Variants in CTSB observed in about 807,000 individuals in gnomAD.
CTSB encodes cathepsin B.
A neutral mutation model predicts 44.3 loss-of-function variants in CTSB; 57 were observed. That is an observed-to-expected ratio of 1.29 (90% CI 1.04 to 1.60). The LOEUF (loss-of-function observed/expected upper bound fraction) is 1.60, where lower values mean the gene tolerates loss of function less well. CTSB is among the 40% of genes most tolerant of loss of function. The probability of loss-of-function intolerance (pLI) is 0.00; values close to 1 mark genes in which losing one functional copy is unlikely to be tolerated. For missense variants in CTSB, 768 were observed against 443.0 expected (o/e 1.73, Z -6.59); for synonymous variants, 320 against 168.0 (o/e 1.91, Z -7.00).
chr8:11,859,704 G>C (rs529269216), intron 1 of CTSB, among the ~76,000 whole-genome samples: 1 of 140,502 alleles, frequency 7.1e-6, no homozygotes, highest in East Asian at 2.3e-4. Context: ...GGAAGCGGAG[G>C]TTGCAGTAAG....
intron 7 of CTSB, among the ~76,000 whole-genome samples, 155 bp from the exon 8 acceptor site, chr8:11,847,323 A>C (rs1230068558): frequency 6.6e-6 from 1 of 152,150 alleles, no homozygotes; most frequent in Non-Finnish European, 1.5e-5. Context: ...GGCTCCCCTG[A>C]AGAACTAAGG....
At chr8:11,863,751 G>C (rs778155269) in intron 1 of CTSB, among the ~76,000 whole-genome samples, 1 of 152,146 alleles carries the variant, frequency 6.6e-6, no homozygotes. Flanking sequence ...AAACCCATCA[G>C]ATTGGCAAAA....
At chr8:11,861,100 G>A (rs1018336585) in intron 1 of CTSB, among the ~76,000 whole-genome samples, 1 of 152,120 alleles carries the variant, frequency 6.6e-6, no homozygotes, top group Non-Finnish European at 1.5e-5. Flanking sequence ...GTAGATTCTT[G>A]GCTTATGATT....
chr8:11,845,087 T>A lies in CTSB; in HGVS notation c.*38A>T, dbSNP rs762140858. The A allele has an allele frequency of 7.4e-7, 1 of 1,359,922 alleles. No individual in the cohort carries two copies. Among genetic ancestry groups the A allele is most frequent in the Non-Finnish European group, 1.1e-6 (1 of 949,142 alleles). 84.2% of individuals were successfully genotyped at this position (1,359,922 alleles called of 1,614,324 possible). Reference sequence around the variant, plus strand: ...AGAATAAAATGCATTTCTACCCCGATCTCGCCCCCAGGACTGGCACGACAG... The same window carrying A: ...AGAATAAAATGCATTTCTACCCCGAACTCGCCCCCAGGACTGGCACGACAG... On this transcript the variant is annotated 3_prime_UTR_variant, in exon 10 of 10. Coordinates refer to ENST00000353047, the MANE Select transcript of CTSB (RefSeq NM_001908.5).
At position 11,852,085 on chromosome 8, in the gene CTSB, A is replaced by G. The variant is rs747256840; in HGVS notation, c.212+525T>C. ...GAGACACCTTGGAGAAGCACAATAG[A>G]AAACACTGGGGGTGGCTCATGCCGG... is the stretch of plus-strand genomic sequence containing the variant. On this transcript the variant is annotated intron_variant, in intron 3 of 9. Transcript: ENST00000353047. Among the ~76,000 whole-genome samples, 15 of 152,192 alleles carry G rather than the reference A, an allele frequency of 9.9e-5. No homozygotes were observed. In the South Asian group the frequency reaches 1.9e-3, roughly 19 times the overall value.
Position 11,847,995 on chromosome 8 carries a change from C to T in CTSB, c.532+72G>A, listed in dbSNP as rs571854383. The T allele has an allele frequency of 7.4e-5, 104 of 1,414,464 alleles. No homozygotes were observed. In the African/African-American group the frequency reaches 1.1e-3, roughly 15 times the overall value. The allele number at this position is 1,414,464 out of a possible 1,614,324, so 87.6% of individuals were successfully genotyped here. A position where few individuals can be genotyped will look rare whatever the true frequency, so the allele number is the denominator to read the frequency against. On this transcript the variant is annotated intron_variant, in intron 6 of 9. Coordinates refer to ENST00000353047, the MANE Select transcript of CTSB (RefSeq NM_001908.5). The stretch of plus-strand genomic sequence containing the variant: ...TGTCTCAACCCCCAGTTTATAAAGG[C>T]AAATAAAGCCATGATGGTTAATTGC...
intron 8 of CTSB, 33 bp downstream of exon 8, chr8:11,847,019 C>CA (rs1813498399): frequency 8.6e-7 from 1 of 1,156,360 alleles, no homozygotes; most frequent in South Asian, 1.2e-5. Context: ...TCCCGACCCC[C>CA]ACCCTCTATT....
intron 4 of CTSB, chr8:11,850,172 G>C (rs1236929245): frequency 1.3e-5 from 2 of 152,230 alleles, no homozygotes; most frequent in African/African-American, 4.8e-5. Context: ...TGTAATCCCA[G>C]CATTTTGCGA....
Position 11,843,753 on chromosome 8 carries a change from G to A in CTSB, c.*1372C>T, listed in dbSNP as rs1349031526. On this transcript the variant is annotated 3_prime_UTR_variant, in exon 10 of 10. Transcript: ENST00000353047. ...TTGTGGCTGATAAAAAATACAGGCA[G>A]GGCCCAGTGGCTCACGCCTGTAATC... 6.6e-6 allele frequency: 1 copy of A among 152,232 alleles called. No individual in the cohort carries two copies. Among genetic ancestry groups the A allele is most frequent in the Non-Finnish European group, 1.5e-5 (1 of 68,060 alleles). 9.4% of individuals were successfully genotyped at this position (152,232 alleles called of 1,614,324 possible).
chr8:11,860,816 T>C (rs1190705841), intron 1 of CTSB, among the ~76,000 whole-genome samples: 4 of 152,174 alleles, frequency 2.6e-5, no homozygotes, highest in African/African-American at 9.7e-5. Context: ...CTATAAAAAC[T>C]AGTCTTGGCA....
intron 3 of CTSB, 23 bp downstream of exon 3, chr8:11,852,587 G>A (rs772212336): frequency 3.0e-5 from 47 of 1,591,610 alleles, no homozygotes; most frequent in Admixed American, 6.7e-5. Context: ...ACATTACAGC[G>A]GTGCAGAGGA....
chr8:11,860,096 C>T (rs1479876940), intron 1 of CTSB, among the ~76,000 whole-genome samples: 6 of 152,044 alleles, frequency 3.9e-5, no homozygotes, highest in Non-Finnish European at 8.8e-5. Context: ...AAAGAAAAAG[C>T]TTTCTTACAT....
chr8:11,846,607 C>A (rs570255146), intron 8 of CTSB, among the ~76,000 whole-genome samples: 1 of 152,150 alleles, frequency 6.6e-6, no homozygotes, highest in Non-Finnish European at 1.5e-5. Context: ...GTGTGAGGCA[C>A]GATCTAGGCC....
At chr8:11,845,842 C>T in intron 8 of CTSB, 53 bp from the exon 9 acceptor site, 1 of 1,537,254 alleles carries the variant, frequency 6.5e-7, no homozygotes, top group Non-Finnish European at 8.8e-7. Context: ...TCCCACGCCC[C>T]ACAGCACCCC....
intron 2 of CTSB, among the ~76,000 whole-genome samples, chr8:11,853,098 C>G (rs539458402): frequency 3.9e-5 from 6 of 152,278 alleles, no homozygotes; most frequent in Non-Finnish European, 2.9e-5. Flanking sequence ...TCCACGTGCA[C>G]ACAACCATAT....
At chr8:11,857,464 A>AC (rs1292379529) in intron 1 of CTSB, among the ~76,000 whole-genome samples, 1 of 152,080 alleles carries the variant, frequency 6.6e-6, no homozygotes, top group African/African-American at 2.4e-5. Flanking sequence ...CCTTGGATGT[A>AC]CCCGGGGGCT....
At chr8:11,858,823 A>G (rs1815935501) in intron 1 of CTSB, among the ~76,000 whole-genome samples, 1 of 152,206 alleles carries the variant, frequency 6.6e-6, no homozygotes, top group Non-Finnish European at 1.5e-5. Context: ...AGCTGTTAAC[A>G]GCTTTCCAGG....
In CTSB at chr8:11,843,423, G is replaced by A. The variant is rs1341419855; in HGVS notation, c.*1702C>T. On this transcript the variant is annotated 3_prime_UTR_variant, in exon 10 of 10. Transcript: ENST00000353047. ...CATACCACTTCAGTTGGGAAGGGGA[G>A]TACTGAGGTGTACCTTGGCAGGACA... 2.0e-5 allele frequency: 3 copies of A among 152,206 alleles called. No individual in the cohort carries two copies. The highest frequency in any genetic ancestry group is 3.8e-4 in the East Asian group (2 of 5,202). 9.4% of individuals were successfully genotyped at this position (152,206 alleles called of 1,614,324 possible).
chr8:11,859,931 G>A lies in CTSB; in HGVS notation c.-25-6452C>T, dbSNP rs919187030. On this transcript the variant is annotated intron_variant, in intron 1 of 9. Transcript: ENST00000353047. ...CTACTAAAAATACAAAACTCAGCCG[G>A]GCATGGTGGTGCTGCCTGTAGTCCC... Among the ~76,000 whole-genome samples, 9 of 151,846 alleles carry A rather than the reference G, an allele frequency of 5.9e-5. No homozygotes were observed. In the South Asian group the frequency reaches 1.2e-3, roughly 21 times the overall value.
Sources: allele counts gnomAD v4.1 joint callset (sites outside exome capture counted in the v4.1 genomes callset), GRCh38; gene constraint gnomAD v4.1.1; transcripts MANE v1.5; gene names NCBI Gene and HGNC (gene_info 2026-07-23, HGNC 2026-07-21).